Variants in WDPCP observed in about 807,000 individuals in gnomAD.
The protein encoded by WDPCP is WD repeat-containing and planar cell polarity effector protein fritz homolog.
In WDPCP, 71 loss-of-function variants were observed where a neutral mutation model predicts 93.1. The observed-to-expected ratio is 0.76, with a 90% confidence interval of 0.63 to 0.93. The LOEUF is 0.93. Ranked by LOEUF, WDPCP falls within the 40% of genes least tolerant of loss-of-function variation. The pLI is 0.00. For missense variants in WDPCP, 844 were observed against 887.4 expected, an observed-to-expected ratio of 0.95 and a Z score of 0.62; for synonymous variants, 315 against 315.0, an observed-to-expected ratio of 1.00 and a Z score of 0.00.
At chr2:63,200,329 C>T (rs1166803491) in intron 14 of WDPCP, among the ~76,000 whole-genome samples, 1 of 152,092 alleles carries the variant, frequency 6.6e-6, no homozygotes, top group Non-Finnish European at 1.5e-5. Context: ...TTCAACAATC[C>T]CACTGCTGGG....
At chr2:63,828,729 T>C (rs1023086558), upstream of WDPCP, among the ~76,000 whole-genome samples, 3 of 152,152 alleles carry the variant, frequency 2.0e-5, no homozygotes, top group African/African-American at 7.2e-5. Flanking sequence ...CAATGATACC[T>C]AAGATTTTTT....
At chr2:63,413,905 G>C (rs868223167) in intron 9 of WDPCP, among the ~76,000 whole-genome samples, 10 of 152,034 alleles carry the variant, frequency 6.6e-5, no homozygotes, top group African/African-American at 2.4e-4. Flanking sequence ...CAACCCAGTG[G>C]GAGAAAATCT....
chr2:63,269,976 C>G (rs898200324), intron 13 of WDPCP, among the ~76,000 whole-genome samples: 5 of 152,078 alleles, frequency 3.3e-5, no homozygotes, highest in Admixed American at 3.3e-4. Context: ...GATCAATAAG[C>G]AGCTTTAAGA....
chr2:63,446,328 A>C (rs1384493736), intron 6 of WDPCP, among the ~76,000 whole-genome samples: 1 of 152,146 alleles, frequency 6.6e-6, no homozygotes, highest in Non-Finnish European at 1.5e-5. Context: ...ATAGGAGGTA[A>C]ACCCTATTGG....
At chr2:63,227,887 C>T (rs1214793766) in intron 14 of WDPCP, among the ~76,000 whole-genome samples, 2 of 151,736 alleles carry the variant, frequency 1.3e-5, no homozygotes, top group East Asian at 1.9e-4. Context: ...ACTGTATTTA[C>T]AAAGGAACAG....
At chr2:63,412,759 T>C (rs1695112355) in intron 9 of WDPCP, among the ~76,000 whole-genome samples, 2 of 147,950 alleles carry the variant, frequency 1.4e-5, no homozygotes, top group South Asian at 4.3e-4. Flanking sequence ...AATCAAGAAC[T>C]CAACCCCTTT....
Position 63,633,310 on chromosome 2 carries a change from T to A in WDPCP, n.488+17349A>T, listed in dbSNP as rs190285741. On this transcript the variant is annotated intron_variant and non_coding_transcript_variant, in intron 3 of 4. Transcript: ENST00000467687. The stretch of plus-strand genomic sequence containing the variant: ...TGAAACTGACTGGTAAAGGTAAATA[T>A]ATAGTCAAATTCAGAATGTGCTAAT... 2.6e-5 allele frequency among the ~76,000 whole-genome samples: 4 copies of A among 152,272 alleles called. No individual in the cohort carries two copies. In the East Asian group the frequency reaches 5.8e-4, roughly 22 times the overall value.
In WDPCP at chr2:63,485,103, G is replaced by A. The variant is rs535042622; in HGVS notation, c.254-116C>T. The A allele has an allele frequency of 5.7e-6, 6 of 1,060,874 alleles. No individual in the cohort carries two copies. The South Asian group carries it at 8.3e-5, about 15-fold the overall frequency. The allele number at this position is 1,060,874 out of a possible 1,614,324, so 65.7% of individuals were successfully genotyped here. ...ACACCTCTATAATCGAGAGGAAGTG[G>A]GCTTCATTTCCATCATCAAATGACA... On this transcript the variant is annotated intron_variant, in intron 4 of 17. Coordinates refer to ENST00000272321, the MANE Select transcript of WDPCP (RefSeq NM_015910.7).
Position 63,220,038 on chromosome 2 carries a change from A to G in WDPCP, c.1915+39269T>C, listed in dbSNP as rs192736248. Among the ~76,000 whole-genome samples the G allele has an allele frequency of 2.1e-3, 317 of 152,118 alleles. 2 individuals are homozygous for G. In the Middle Eastern group the frequency reaches 0.031, roughly 15 times the overall value. The stretch of plus-strand genomic sequence containing the variant: ...TAAAAAATAAAAAGGTATAGTAAAA[A>G]CACAACAAACAACAAAAGCCTTTGG... On this transcript the variant is annotated intron_variant, in intron 14 of 17. Transcript: ENST00000272321.
chr2:63,546,507 G>A (rs1478345761), intron 1 of WDPCP, among the ~76,000 whole-genome samples: 1 of 152,140 alleles, frequency 6.6e-6, no homozygotes, highest in African/African-American at 2.4e-5. Flanking sequence ...AGGAGGCCAG[G>A]GGATTCTGTA....
chr2:63,660,970 T>C (rs1336810034), intron 2 of WDPCP, among the ~76,000 whole-genome samples: 2 of 152,140 alleles, frequency 1.3e-5, no homozygotes, highest in Non-Finnish European at 2.9e-5. Flanking sequence ...TAAATTTAAA[T>C]TAGGAAATCC....
At chr2:63,486,812 C>A (rs187312120) in intron 3 of WDPCP, among the ~76,000 whole-genome samples, 1 of 151,958 alleles carries the variant, frequency 6.6e-6, no homozygotes, top group Admixed American at 6.6e-5. Flanking sequence ...AGTGAAAGGG[C>A]ACAAAAGGTG....
At chr2:63,509,690 T>C (rs1470332691) in intron 1 of WDPCP, among the ~76,000 whole-genome samples, 1 of 151,160 alleles carries the variant, frequency 6.6e-6, no homozygotes, top group Non-Finnish European at 1.5e-5. Flanking sequence ...CTAGCCAGAA[T>C]AATAAAGGAG....
intron 14 of WDPCP, among the ~76,000 whole-genome samples, chr2:63,198,829 A>C (rs1177833294): frequency 1.3e-5 from 2 of 152,184 alleles, no homozygotes; most frequent in African/African-American, 4.8e-5. Flanking sequence ...GCAACTTTGG[A>C]ACTGGGTAGT....
At chr2:63,577,954 G>A (rs2106530355) in intron 1 of WDPCP, among the ~76,000 whole-genome samples, 1 of 152,196 alleles carries the variant, frequency 6.6e-6, no homozygotes, top group East Asian at 1.9e-4. Context: ...ATCTTCAAAG[G>A]TAAATTATAC....
At chr2:63,575,469 A>ATATACT (rs760952950) in intron 1 of WDPCP, among the ~76,000 whole-genome samples, 1 of 16,328 alleles carries the variant, frequency 6.1e-5, no homozygotes, top group African/African-American at 2.2e-4. Flanking sequence ...GTATATATGC[A>ATATACT]GTATATACAG....
chr2:63,331,647 T>A (rs892239085), intron 12 of WDPCP, among the ~76,000 whole-genome samples: 1 of 152,236 alleles, frequency 6.6e-6, no homozygotes, highest in Non-Finnish European at 1.5e-5. Context: ...CAAAAAAGTT[T>A]CCATGTGCTA....
At chr2:63,773,957 G>A (rs187579601) in intron 2 of WDPCP, among the ~76,000 whole-genome samples, 2 of 152,216 alleles carry the variant, frequency 1.3e-5, no homozygotes, top group African/African-American at 4.8e-5. Context: ...CTAGCATTGT[G>A]AGGAAATAAT....
chr2:63,225,056 T>TAAAA (rs74271878), intron 14 of WDPCP, among the ~76,000 whole-genome samples: 4 of 130,770 alleles, frequency 3.1e-5, no homozygotes, highest in Non-Finnish European at 6.6e-5. Flanking sequence ...CTACAATGAC[T>TAAAA]AAAAAAAAAA....
Sources: gnomAD v4.1 joint callset for allele counts (sites outside exome capture counted in the v4.1 genomes callset) on GRCh38, gnomAD v4.1.1 for gene constraint, MANE v1.5 for transcripts, NCBI Gene and HGNC (gene_info 2026-07-23, HGNC 2026-07-21) for gene names.